PLEKHA5: variants seen among roughly 807,000 people sequenced by gnomAD.
PLEKHA5 encodes pleckstrin homology domain-containing family A member 5.
A neutral mutation model predicts 181.9 loss-of-function variants in PLEKHA5; 55 were observed. The ratio of observed to expected loss-of-function variants is 0.30; its 90% CI spans 0.24 to 0.38. The LOEUF (loss-of-function observed/expected upper bound fraction) is 0.38. Among genes scored for constraint, PLEKHA5 ranks in the 10% least tolerant of loss-of-function variants. The pLI, the probability that PLEKHA5 is intolerant of heterozygous loss-of-function variation, is 1.00. For synonymous variants in PLEKHA5, 535 were observed against 529.4 expected, an observed-to-expected ratio of 1.01 and a Z score of -0.15; for missense variants, 1,432 against 1,549.5, an observed-to-expected ratio of 0.92 and a Z score of 1.27.
intron 16 of PLEKHA5, chr12:19,319,657 T>A (rs1044763967): frequency 5.8e-6 from 1 of 173,666 alleles, no homozygotes; most frequent in South Asian, 1.4e-4. Flanking sequence ...GTTTTTGTTA[T>A]TTTCTCACAG....
chr12:19,197,474 G>A (rs2053100213), intron 3 of PLEKHA5, among the ~76,000 whole-genome samples: 1 of 151,866 alleles, frequency 6.6e-6, no homozygotes, highest in South Asian at 2.1e-4. Flanking sequence ...TTTCACTACG[G>A]TAACCACACT....
chr12:19,362,568 A>G (rs1304551420), intron 29 of PLEKHA5, among the ~76,000 whole-genome samples: 2 of 152,040 alleles, frequency 1.3e-5, no homozygotes, highest in Non-Finnish European at 2.9e-5. Context: ...ATACATGTAC[A>G]GCACTTTACA....
chr12:19,134,041 C>T (rs753239711), intron 3 of PLEKHA5, among the ~76,000 whole-genome samples: 8 of 151,984 alleles, frequency 5.3e-5, no homozygotes, highest in Non-Finnish European at 1.2e-4. Flanking sequence ...ACAGAGGTAA[C>T]ATTTCAATTT....
In PLEKHA5 at chr12:19,283,548, A is replaced by C; in HGVS notation, c.1582A>C (p.Ser528Arg). The C allele has an allele frequency of 6.2e-7, 1 of 1,614,200 alleles. No homozygotes were observed. The highest frequency in any genetic ancestry group is 1.3e-5 in the African/African-American group (1 of 75,064). ...CAAACAGAGCACCCTCCCTCGACAC[A>C]GTACTTTGAGTAGTCCCAAAACCAT... ...YNKQSTLPRHSTLSSPKTMVN... is the reference protein window; with the variant it reads ...YNKQSTLPRHRTLSSPKTMVN... Residue 528 changes from serine to arginine, a missense_variant, in exon 12 of 32, where the codon AGT (serine) becomes CGT (arginine). Around this residue, in one of 2 missense-constraint regions of PLEKHA5, gnomAD observed 1,143 missense variants for 1,168.4 expected, o/e 0.98. Coordinates refer to ENST00000429027, the MANE Select transcript of PLEKHA5 (RefSeq NM_001256470.2).
intron 26 of PLEKHA5, among the ~76,000 whole-genome samples, chr12:19,354,268 T>C (rs371917286): frequency 3.0e-4 from 40 of 133,808 alleles, no homozygotes; most frequent in Middle Eastern, 4.4e-3. Flanking sequence ...TCTCCTGCCT[T>C]AGCCTCCGGA....
chr12:19,318,446 A>G (rs1292530458), intron 16 of PLEKHA5, among the ~76,000 whole-genome samples: 2 of 152,186 alleles, frequency 1.3e-5, no homozygotes, highest in African/African-American at 2.4e-5. Flanking sequence ...TAAAAATAGT[A>G]TATCAATATC....
chr12:19,274,421 A>C, intron 10 of PLEKHA5, 95 bp from the exon 11 acceptor site: 4 of 769,296 alleles, frequency 5.2e-6, no homozygotes, highest in Non-Finnish European at 6.2e-6. Flanking sequence ...CCTGGCCCCC[A>C]CCCCCGTAAA....
At chr12:19,187,091 G>A (rs1016289832) in intron 3 of PLEKHA5, among the ~76,000 whole-genome samples, 1 of 152,110 alleles carries the variant, frequency 6.6e-6, no homozygotes, top group African/African-American at 2.4e-5. Flanking sequence ...GTACTCTAAA[G>A]TGCCTTGTCT....
intron 30 of PLEKHA5, among the ~76,000 whole-genome samples, chr12:19,368,659 G>C (rs7305414): frequency 3.3e-5 from 5 of 152,082 alleles, no homozygotes; most frequent in Non-Finnish European, 2.9e-5. Flanking sequence ...AGGCATGGTG[G>C]CCATGCCTGT....
intron 26 of PLEKHA5, among the ~76,000 whole-genome samples, chr12:19,356,662 CT>C (rs57809332): frequency 0.19 from 18,388 of 99,070 alleles, 750 homozygotes; most frequent in African/African-American, 0.3. Flanking sequence ...AGTTGTTTTT[CT>C]TTTTTTTTTT....
intron 3 of PLEKHA5, among the ~76,000 whole-genome samples, chr12:19,155,132 T>C (rs2041371913): frequency 6.6e-6 from 1 of 152,178 alleles, no homozygotes. Context: ...TGAAGCAGAT[T>C]ATTCAAAAAA....
At chr12:19,185,676 G>A (rs549956299) in intron 3 of PLEKHA5, among the ~76,000 whole-genome samples, 1 of 152,178 alleles carries the variant, frequency 6.6e-6, no homozygotes, top group African/African-American at 2.4e-5. Context: ...TGGATTTTCT[G>A]TTATTTGAGG....
rs1229780885 is a variant in PLEKHA5 at position 19,152,360 on chromosome 12, C to T, written c.227+19910C>T. 2.6e-5 allele frequency: 4 copies of T among 152,176 alleles called. No individual in the cohort carries two copies. The East Asian group carries it at 7.7e-4, about 29-fold the overall frequency. 9.4% of individuals were successfully genotyped at this position (152,176 alleles called of 1,614,324 possible). ...GGAAGATTTTACAAATTCTCAGAAA[C>T]ACCTGGAAATAATTTAGGAAAAGCT... On this transcript the variant is annotated intron_variant, in intron 3 of 31. Transcript: ENST00000429027.
chr12:19,257,060 G>A (rs1266507664), intron 5 of PLEKHA5, among the ~76,000 whole-genome samples: 2 of 152,028 alleles, frequency 1.3e-5, no homozygotes, highest in Non-Finnish European at 2.9e-5. Context: ...AGATATAAAG[G>A]GAAAAGTTCT....
intron 3 of PLEKHA5, among the ~76,000 whole-genome samples, chr12:19,229,717 T>C (rs2060197700): frequency 6.6e-6 from 1 of 152,198 alleles, no homozygotes; most frequent in South Asian, 2.1e-4. Flanking sequence ...ACTGCTGGCT[T>C]GGGCAGCCAG....
At chr12:19,307,923 CAT>C (rs1434270078) in intron 15 of PLEKHA5, among the ~76,000 whole-genome samples, 3 of 149,220 alleles carry the variant, frequency 2.0e-5, no homozygotes, top group African/African-American at 5.0e-5. Flanking sequence ...CCCTGGGAAA[CAT>C]AAAAAGAAGA....
intron 16 of PLEKHA5, among the ~76,000 whole-genome samples, chr12:19,319,188 G>A (rs187200600): frequency 3.0e-4 from 45 of 152,150 alleles, no homozygotes; most frequent in Admixed American, 2.7e-3. Flanking sequence ...TAGTATAAGA[G>A]TATTCTAACT....
At chr12:19,162,573 TAAA>T (rs34375689) in intron 3 of PLEKHA5, among the ~76,000 whole-genome samples, 1 of 146,428 alleles carries the variant, frequency 6.8e-6, no homozygotes, top group African/African-American at 2.5e-5. Flanking sequence ...AAGTTAGCTT[TAAA>T]AAAAAAAAAA....
chr12:19,335,565 G>T (rs1354914891), intron 20 of PLEKHA5, among the ~76,000 whole-genome samples: 3 of 147,574 alleles, frequency 2.0e-5, no homozygotes, highest in African/African-American at 7.5e-5. Context: ...ACAGGCGCCT[G>T]CCACTGCGCC....
Sources: allele counts gnomAD v4.1 joint callset (sites outside exome capture counted in the v4.1 genomes callset), GRCh38; gene constraint gnomAD v4.1.1; regional missense constraint gnomAD v4.1.1; transcripts MANE v1.5; gene names NCBI Gene and HGNC (gene_info 2026-07-23, HGNC 2026-07-21).